Variants in ARHGAP42 observed in about 807,000 individuals in gnomAD.
The protein encoded by ARHGAP42 is rho GTPase-activating protein 42.
Under a neutral mutation model 125.0 loss-of-function variants are expected in ARHGAP42, and 63 were observed. The observed-to-expected ratio is 0.50, with a 90% CI of 0.41 to 0.62. The LOEUF (loss-of-function observed/expected upper bound fraction) is 0.62. Ranked by LOEUF, ARHGAP42 falls within the 20% of genes least tolerant of loss-of-function variation. The pLI is 0.00. For synonymous variants in ARHGAP42, 339 were observed against 351.0 expected (o/e 0.97, Z 0.38); for missense variants, 766 against 1,024.2 (o/e 0.75, Z 3.44).
chr11:100,693,618 A>G (rs1861229085), intron 1 of ARHGAP42, among the ~76,000 whole-genome samples: 1 of 152,126 alleles, frequency 6.6e-6, no homozygotes, highest in African/African-American at 2.4e-5. Context: ...GCCCATTGTA[A>G]TTAAAGGCCT....
chr11:100,707,877 T>C (rs1204641041), intron 1 of ARHGAP42, among the ~76,000 whole-genome samples: 2 of 152,204 alleles, frequency 1.3e-5, no homozygotes, highest in Non-Finnish European at 2.9e-5. Context: ...TTCCTCCAGA[T>C]AGCTGCCTTC....
chr11:100,938,710 G>A (rs957352778), intron 8 of ARHGAP42, among the ~76,000 whole-genome samples: 1 of 151,966 alleles, frequency 6.6e-6, no homozygotes, highest in Non-Finnish European at 1.5e-5. Context: ...TTTGCCAAGG[G>A]ATATAAAGAA....
At chr11:100,932,213 A>G (rs2135259276) in intron 6 of ARHGAP42, among the ~76,000 whole-genome samples, 2 of 152,300 alleles carry the variant, frequency 1.3e-5, no homozygotes, top group African/African-American at 4.8e-5. Flanking sequence ...CAGACAGAGA[A>G]GGTGGCTGCG....
At chr11:100,899,871 T>A (rs190447682) in intron 4 of ARHGAP42, among the ~76,000 whole-genome samples, 1 of 152,246 alleles carries the variant, frequency 6.6e-6, no homozygotes, top group African/African-American at 2.4e-5. Context: ...AATTTGCCAG[T>A]CTGTGTCTTT....
At chr11:100,703,371 CAT>C (rs1361218782) in intron 1 of ARHGAP42, among the ~76,000 whole-genome samples, 1 of 152,116 alleles carries the variant, frequency 6.6e-6, no homozygotes, top group Non-Finnish European at 1.5e-5. Flanking sequence ...TGCATAATAA[CAT>C]ATTATGAAGA....
At chr11:100,722,893 A>G (rs945656082) in intron 1 of ARHGAP42, among the ~76,000 whole-genome samples, 1 of 152,172 alleles carries the variant, frequency 6.6e-6, no homozygotes, top group Non-Finnish European at 1.5e-5. Flanking sequence ...TAGATTTTAT[A>G]ATAATACTAG....
intron 6 of ARHGAP42, among the ~76,000 whole-genome samples, chr11:100,922,244 C>T (rs763354646): frequency 2.6e-5 from 4 of 152,128 alleles, no homozygotes; most frequent in Non-Finnish European, 5.9e-5. Flanking sequence ...CCTCACAGGG[C>T]TCGGATCTGC....
intron 1 of ARHGAP42, among the ~76,000 whole-genome samples, chr11:100,716,942 G>A (rs1237490723): frequency 6.6e-6 from 1 of 152,146 alleles, no homozygotes; most frequent in Non-Finnish European, 1.5e-5. Context: ...AAAATTCCAG[G>A]ATGAGCTCTT....
intron 3 of ARHGAP42, among the ~76,000 whole-genome samples, chr11:100,848,548 G>A (rs1397080041): frequency 5.9e-5 from 9 of 151,406 alleles, no homozygotes. Context: ...CTGTCACCCA[G>A]GCTGGAGTGC....
intron 4 of ARHGAP42, among the ~76,000 whole-genome samples, chr11:100,879,859 A>G (rs1296344035): frequency 2.0e-5 from 3 of 152,156 alleles, no homozygotes; most frequent in Non-Finnish European, 4.4e-5. Flanking sequence ...AAAGGAGTAA[A>G]GTTAAAAATG....
At chr11:100,770,638 C>T (rs896934206) in intron 2 of ARHGAP42, among the ~76,000 whole-genome samples, 200 bp downstream of exon 2, 3 of 152,108 alleles carry the variant, frequency 2.0e-5, no homozygotes, top group South Asian at 4.1e-4. Flanking sequence ...AGTGCAGTGG[C>T]GTAATCTTGA....
chr11:100,904,067 T>C (rs1319081892), intron 4 of ARHGAP42, among the ~76,000 whole-genome samples: 6 of 151,996 alleles, frequency 3.9e-5, no homozygotes, highest in Non-Finnish European at 7.4e-5. Context: ...CTTTTGGCAA[T>C]ACCCACACAG....
intron 1 of ARHGAP42, among the ~76,000 whole-genome samples, chr11:100,689,300 G>T (rs1565529275): frequency 6.6e-6 from 1 of 152,148 alleles, no homozygotes; most frequent in Non-Finnish European, 1.5e-5. Flanking sequence ...GCAAATCCTG[G>T]TTAAAGTCTC....
chr11:100,866,209 G>A (rs934016344), intron 4 of ARHGAP42, among the ~76,000 whole-genome samples: 3 of 152,150 alleles, frequency 2.0e-5, no homozygotes, highest in Non-Finnish European at 2.9e-5. Context: ...TGAGATTGCA[G>A]CAATTCAGTC....
At chr11:100,891,047 C>T (rs1866205699) in intron 4 of ARHGAP42, among the ~76,000 whole-genome samples, 1 of 152,114 alleles carries the variant, frequency 6.6e-6, no homozygotes, top group African/African-American at 2.4e-5. Context: ...CATGTAATTC[C>T]TGGCTTTTTG....
At position 100,992,816 on chromosome 11, in the gene ARHGAP42, C is replaced by A; in HGVS notation, c.*4015C>A. Reference sequence around the variant, plus strand: ...GAATGTTGACAACATTCACAGTAAGCCATTGGCAGAAAATTGATCTGCATG... The same window carrying A: ...GAATGTTGACAACATTCACAGTAAGACATTGGCAGAAAATTGATCTGCATG... On this transcript the variant is annotated 3_prime_UTR_variant, in exon 24 of 24. Coordinates refer to ENST00000298815, the MANE Select transcript of ARHGAP42 (RefSeq NM_152432.4). The A allele has an allele frequency of 8.1e-7, 1 of 1,236,842 alleles. No homozygotes were observed. Among genetic ancestry groups the A allele is most frequent in the Non-Finnish European group, 1.1e-6 (1 of 890,534 alleles). The allele number at this position is 1,236,842 out of a possible 1,614,324, so 76.6% of individuals were successfully genotyped here.
chr11:100,960,509 G>A (rs1857926826), intron 13 of ARHGAP42, among the ~76,000 whole-genome samples: 1 of 152,114 alleles, frequency 6.6e-6, no homozygotes, highest in Admixed American at 6.6e-5. Flanking sequence ...CTGAGAAGTA[G>A]TTTCCTTGAA....
Position 100,814,717 on chromosome 11 carries a change from A to G in ARHGAP42, c.312+19551A>G, listed in dbSNP as rs1213938377. Among the ~76,000 whole-genome samples, 3 of 152,176 alleles carry G rather than the reference A, an allele frequency of 2.0e-5. 1 individual carries two copies. Among genetic ancestry groups the G allele is most frequent in the Admixed American group, 2.0e-4 (3 of 15,280 alleles). ...AAACTTTTTAAAACAATCATATCTC[A>G]TGAGAACTCTACCACAAGAACAGCA... On this transcript the variant is annotated intron_variant, in intron 3 of 23. Coordinates refer to ENST00000298815, the MANE Select transcript of ARHGAP42 (RefSeq NM_152432.4).
chr11:100,768,750 T>C (rs1862895985), intron 1 of ARHGAP42, among the ~76,000 whole-genome samples: 1 of 152,224 alleles, frequency 6.6e-6, no homozygotes, highest in African/African-American at 2.4e-5. Flanking sequence ...TGATTTACTT[T>C]TATTTATTAG....
Sources: allele counts gnomAD v4.1 joint callset (sites outside exome capture counted in the v4.1 genomes callset), GRCh38; gene constraint gnomAD v4.1.1; transcripts MANE v1.5; gene names NCBI Gene and HGNC (gene_info 2026-07-23, HGNC 2026-07-21).